The following CSMD3 variants were observed in gnomAD, a reference collection of about 807,000 sequenced individuals.
CSMD3 encodes CUB and Sushi multiple domains 3, also known as CUB and sushi domain-containing protein 3.
Under a neutral mutation model 435.2 loss-of-function variants are expected in CSMD3, and 177 were observed. The observed-to-expected ratio is 0.41, with a 90% confidence interval of 0.36 to 0.46. The LOEUF is 0.46. Among genes scored for constraint, CSMD3 ranks in the 20% least tolerant of loss-of-function variants. The probability of loss-of-function intolerance (pLI) is 0.34; values close to 1 mark genes in which losing one functional copy is unlikely to be tolerated. For missense variants in CSMD3, 4,265 were observed against 4,504.6 expected (o/e 0.95, Z 1.52); for synonymous variants, 1,656 against 1,520.5 (o/e 1.09, Z -2.07).
chr8:113,307,680 A>T (rs560977829), intron 2 of CSMD3, among the ~76,000 whole-genome samples: 1 of 152,334 alleles, frequency 6.6e-6, no homozygotes, highest in Admixed American at 6.5e-5. Flanking sequence ...TGATACATCA[A>T]GACTAAGCAA....
chr8:112,403,181 T>C (rs1329597227), intron 35 of CSMD3, among the ~76,000 whole-genome samples: 1 of 152,206 alleles, frequency 6.6e-6, no homozygotes, highest in Non-Finnish European at 1.5e-5. Context: ...AAATAGCTTA[T>C]AAGTCAGAAC....
At chr8:113,276,376 C>T (rs1226797059) in intron 3 of CSMD3, among the ~76,000 whole-genome samples, 4 of 151,972 alleles carry the variant, frequency 2.6e-5, no homozygotes, top group African/African-American at 9.7e-5. Context: ...ACAGATACAT[C>T]AGAGGGGAAA....
intron 38 of CSMD3, among the ~76,000 whole-genome samples, chr8:112,370,868 T>A (rs1405140966): frequency 2.6e-5 from 4 of 152,176 alleles, no homozygotes; most frequent in Non-Finnish European, 5.9e-5. Context: ...GGTTGACTAA[T>A]GGGAACAATG....
chr8:112,336,916 A>C, intron 43 of CSMD3, 87 bp from the exon 44 acceptor site: 1 of 1,111,096 alleles, frequency 9.0e-7, no homozygotes, highest in Non-Finnish European at 1.3e-6. Context: ...CACATATCTT[A>C]AGCATTATGA....
At chr8:112,863,591 T>G (rs2080885442) in intron 10 of CSMD3, among the ~76,000 whole-genome samples, 1 of 152,066 alleles carries the variant, frequency 6.6e-6, no homozygotes, top group Non-Finnish European at 1.5e-5. Context: ...CTTATTCAAT[T>G]TCATAATTTC....
intron 32 of CSMD3, among the ~76,000 whole-genome samples, chr8:112,442,322 T>C (rs1048686637): frequency 6.6e-6 from 1 of 152,138 alleles, no homozygotes; most frequent in African/African-American, 2.4e-5. Context: ...AACATGAGAT[T>C]TGAAGGAGAC....
chr8:113,342,631 G>A (rs1226639784), intron 1 of CSMD3, among the ~76,000 whole-genome samples: 1 of 152,086 alleles, frequency 6.6e-6, no homozygotes, highest in Non-Finnish European at 1.5e-5. Flanking sequence ...AAAGTCAGAA[G>A]CCTAAAGACA....
At chr8:112,451,279 G>T (rs898137895) in intron 32 of CSMD3, among the ~76,000 whole-genome samples, 2 of 151,780 alleles carry the variant, frequency 1.3e-5, no homozygotes, top group African/African-American at 4.8e-5. Flanking sequence ...TGAATTCTTT[G>T]TATTTTTTAG....
chr8:112,455,450 T>G (rs1328373305), intron 32 of CSMD3, among the ~76,000 whole-genome samples: 1 of 151,966 alleles, frequency 6.6e-6, no homozygotes, highest in Non-Finnish European at 1.5e-5. Flanking sequence ...AAAAACTACC[T>G]ATTGGGTATT....
intron 66 of CSMD3, 47 bp from the exon 67 acceptor site, chr8:112,237,395 T>G: frequency 7.5e-7 from 1 of 1,333,438 alleles, no homozygotes; most frequent in Non-Finnish European, 1.1e-6. Context: ...CAATGCCATA[T>G]AAATATAAGC....
intron 9 of CSMD3, among the ~76,000 whole-genome samples, chr8:112,924,498 C>T (rs898479844): frequency 6.6e-6 from 1 of 152,026 alleles, no homozygotes; most frequent in Non-Finnish European, 1.5e-5. Flanking sequence ...TAACCAGGCT[C>T]TTCTTGCTAA....
At chr8:113,426,650 G>T (rs2094637316) in intron 1 of CSMD3, among the ~76,000 whole-genome samples, 1 of 151,220 alleles carries the variant, frequency 6.6e-6, no homozygotes, top group Admixed American at 6.6e-5. Flanking sequence ...AACTAGTTTG[G>T]GAAAAGTTGT....
At position 112,756,908 on chromosome 8, in the gene CSMD3, A is replaced by G. The variant is rs542515919; in HGVS notation, c.1972+43254T>C. On this transcript the variant is annotated intron_variant, in intron 13 of 70. Coordinates refer to ENST00000297405, the MANE Select transcript of CSMD3 (RefSeq NM_198123.2). Reference sequence around the variant, plus strand: ...CTCAACCTCCCGAGTAGCTGGAACTACAGGCACACGTCACCATGCCCAGCT... The same window carrying G: ...CTCAACCTCCCGAGTAGCTGGAACTGCAGGCACACGTCACCATGCCCAGCT... Among the ~76,000 whole-genome samples the G allele has an allele frequency of 2.6e-5, 4 of 151,932 alleles. No individual in the cohort carries two copies. The East Asian group carries it at 7.8e-4, about 30-fold the overall frequency.
intron 38 of CSMD3, among the ~76,000 whole-genome samples, chr8:112,377,655 A>T (rs1829069757): frequency 6.6e-6 from 1 of 152,128 alleles, no homozygotes; most frequent in Non-Finnish European, 1.5e-5. Context: ...ACCACAACTA[A>T]GAGGAATTTA....
At chr8:112,335,114 C>G (rs1435810081) in intron 45 of CSMD3, among the ~76,000 whole-genome samples, 2 of 152,084 alleles carry the variant, frequency 1.3e-5, no homozygotes, top group Non-Finnish European at 2.9e-5. Context: ...GATTTATTTC[C>G]TATATCCATT....
At chr8:112,645,288 T>G in intron 19 of CSMD3, 63 bp from the exon 20 acceptor site, 1 of 886,338 alleles carries the variant, frequency 1.1e-6, no homozygotes, top group Non-Finnish European at 1.9e-6. Context: ...TGAACAAATC[T>G]CTATCTCCTC....
intron 61 of CSMD3, 92 bp downstream of exon 61, chr8:112,263,547 A>C: frequency 1.0e-6 from 1 of 969,318 alleles, no homozygotes; most frequent in Non-Finnish European, 1.6e-6. Context: ...TTGAACCCTA[A>C]TTAGGCATTG....
intron 32 of CSMD3, among the ~76,000 whole-genome samples, chr8:112,412,779 C>T (rs934506739): frequency 6.6e-6 from 1 of 151,948 alleles, no homozygotes; most frequent in African/African-American, 2.4e-5. Context: ...TATGATGTGC[C>T]AGGAACTGGG....
chr8:112,804,669 TATTTTA>T lies in CSMD3; in HGVS notation c.1860-4401_1860-4396del, dbSNP rs376049399. The stretch of plus-strand genomic sequence containing the variant: ...TCATTGCATTTATTTTATTTTATTT[TATTTTA>T]TTTTTTTTGAGATGAAGTCTCGCTC... On this transcript the variant is annotated intron_variant, in intron 12 of 70. Transcript: ENST00000297405. Among the ~76,000 whole-genome samples, 151 of 145,536 alleles carry T rather than the reference TATTTTA, an allele frequency of 1.0e-3. 1 individual carries two copies. Among genetic ancestry groups the T allele is most frequent in the East Asian group, 3.7e-3 (18 of 4,808 alleles).
Sources: allele counts gnomAD v4.1 joint callset (sites outside exome capture counted in the v4.1 genomes callset), GRCh38; gene constraint gnomAD v4.1.1; transcripts MANE v1.5; gene names NCBI Gene and HGNC (gene_info 2026-07-23, HGNC 2026-07-21).